The following PDIA2 variants were observed in gnomAD, a reference collection of about 807,000 sequenced individuals.
PDIA2 encodes protein disulfide-isomerase A2.
PDIA2 carries 76 observed loss-of-function variants against 51.1 expected under a neutral mutation model. The ratio of observed to expected loss-of-function variants is 1.49; its 90% CI spans 1.24 to 1.80. The LOEUF (loss-of-function observed/expected upper bound fraction) is 1.80. Among genes scored for constraint, PDIA2 ranks in the 40% most tolerant of loss-of-function variants. PDIA2 has a pLI of 0.00. For missense variants in PDIA2, 946 were observed against 706.5 expected (o/e 1.34, Z -3.84); for synonymous variants, 429 against 309.9 (o/e 1.38, Z -4.04).
At position 283,196 on chromosome 16, in the gene PDIA2, G is replaced by T; in HGVS notation, c.27G>T (p.Leu9=). The T allele has an allele frequency of 6.4e-7, 1 of 1,557,666 alleles. No homozygotes were observed. Among genetic ancestry groups the T allele is most frequent in the South Asian group, 1.2e-5 (1 of 84,110 alleles). Reference sequence around the variant, plus strand: ...TGAGCCGCCAGCTTCTGCCTGTACTGCTGCTGCTGCTGCTCAGGGCTTCGT... The same window carrying T: ...TGAGCCGCCAGCTTCTGCCTGTACTTCTGCTGCTGCTGCTCAGGGCTTCGT... MSRQLLPV[L]LLLLLRASCP... The change falls in exon 1 of 11, where the codon CTG becomes CTT. Residue 9 remains leucine (L), a synonymous_variant. Transcript: ENST00000219406.
chr16:284,739 G>T lies in PDIA2; in HGVS notation c.487G>T (p.Ala163Ser). 6.4e-7 allele frequency: 1 copy of T among 1,561,612 alleles called. No individual in the cohort carries two copies. Among genetic ancestry groups the T allele is most frequent in the Non-Finnish European group, 8.6e-7 (1 of 1,159,438 alleles). ...PSAMRLEDEA[A>S]AQALIGGRDL... ...TGCCATGCGGCTGGAGGACGAGGCG[G>T]CCGCCCAGGCGCTGATCGGTGGCCG... Residue 163 changes from alanine (A) to serine (S), a missense_variant, in exon 3 of 11, where the codon GCC becomes TCC. Transcript: ENST00000219406.
At chr16:283,630 CAG>C (rs2052315779) in intron 1 of PDIA2, among the ~76,000 whole-genome samples, 1 of 152,240 alleles carries the variant, frequency 6.6e-6, no homozygotes, top group Admixed American at 6.5e-5. Flanking sequence ...GCCACGGTGC[CAG>C]AGTCACCACC....
chr16:284,069 T>C, intron 1 of PDIA2: 1 of 416,784 alleles, frequency 2.4e-6, no homozygotes, highest in Non-Finnish European at 4.5e-6. Context: ...GGTTTCTCCA[T>C]GTTGGTCAGG....
chr16:283,462 G>A (rs1396318057), intron 1 of PDIA2, 94 bp downstream of exon 1: 9 of 1,320,478 alleles, frequency 6.8e-6, no homozygotes, highest in Non-Finnish European at 9.1e-6. Context: ...CAGGGCATGT[G>A]CCCAAGAGGG....
intron 8 of PDIA2, 39 bp downstream of exon 8, chr16:286,512 A>AG (rs767216028): frequency 6.2e-7 from 1 of 1,612,566 alleles, no homozygotes; most frequent in Non-Finnish European, 8.5e-7. Context: ...TGGGCTGGGC[A>AG]GGGGCTGCCC....
Position 284,760 on chromosome 16 carries a change from G to A in PDIA2, c.508G>A (p.Gly170Ser). 6.4e-7 allele frequency: 1 copy of A among 1,564,226 alleles called. No homozygotes were observed. The highest frequency in any genetic ancestry group is 8.6e-7 in the Non-Finnish European group (1 of 1,159,778). ...GGCGGCCGCCCAGGCGCTGATCGGT[G>A]GCCGGGACCTAGTGGTCATTGGCTT... ...DEAAAQALIG[G>S]RDLVVIGFFQ... is the part of the protein sequence containing the mutation. The change falls in exon 3 of 11, where the codon GGC (glycine) becomes AGC (serine). Residue 170 changes from glycine to serine, a missense_variant. Physicochemically the swap from Gly to Ser is moderately conservative, Grantham distance 56. Coordinates refer to ENST00000219406, the MANE Select transcript of PDIA2 (RefSeq NM_006849.4).
Position 286,363 on chromosome 16 carries a change from TGAGCCAGGAGATACCCCCTGA to T in PDIA2, c.1131_1151del (p.Ser378_Asp384del). 1.3e-6 allele frequency: 2 copies of T among 1,507,548 alleles called. No individual in the cohort carries two copies. Among genetic ancestry groups the T allele is most frequent in the Non-Finnish European group, 1.8e-6 (2 of 1,116,186 alleles). 93.4% of individuals were successfully genotyped at this position (1,507,548 alleles called of 1,614,324 possible). On this transcript the variant is annotated inframe_deletion, in exon 8 of 11. Transcript: ENST00000219406. The stretch of plus-strand genomic sequence containing the variant: ...CCTGGTTTCCCCCAGCCCTATCTCC[TGAGCCAGGAGATACCCCCTGA>T]TTGGGATCAGCGGCCAGTTAAGACC...
Position 285,653 on chromosome 16 carries a change from G to C in PDIA2, c.1069G>C (p.Ala357Pro), listed in dbSNP as rs200219634. Residue 357 changes from alanine (A) to proline (P), a missense_variant, in exon 7 of 11, where the codon GCA becomes CCA. Transcript: ENST00000219406. ...GCCTGTGGATGGGGGCCCTGTCACC[G>C]CAGCGTCCATCACTGCTTTCTGCCA... ...YAPVDGGPVT[A>P]ASITAFCHAV... is the part of the protein sequence containing the mutation. The C allele has an allele frequency of 1.5e-5, 24 of 1,613,154 alleles. No homozygotes were observed. Among genetic ancestry groups the C allele is most frequent in the Non-Finnish European group, 1.9e-5 (23 of 1,179,972 alleles).
chr16:284,129 A>G (rs1196876903), intron 1 of PDIA2: 2 of 554,216 alleles, frequency 3.6e-6, no homozygotes, highest in Non-Finnish European at 6.5e-6. Context: ...CTGCCTCCCA[A>G]AGTGCTGGGA....
intron 1 of PDIA2, 59 bp downstream of exon 1, chr16:283,427 G>A: frequency 6.7e-7 from 1 of 1,499,016 alleles, no homozygotes; most frequent in Non-Finnish European, 8.9e-7. Context: ...GCCCACCTGG[G>A]GGCCCCACCC....
chr16:286,747 A>G lies in PDIA2; in HGVS notation c.1422+12A>G, dbSNP rs745500215. The G allele has an allele frequency of 6.2e-6, 10 of 1,612,702 alleles. No individual in the cohort carries two copies. The South Asian group carries it at 9.9e-5, about 16-fold the overall frequency. On this transcript the variant is annotated intron_variant, in intron 9 of 10. Transcript: ENST00000219406. ...GGCCAGGTCGGAAGGTATGGCGGAC[A>G]GGTGGCTGGGGAGGAAGCCGGGGTG...
Position 285,718 on chromosome 16 carries a change from G to A in PDIA2, c.1119+15G>A, listed in dbSNP as rs747811323. ...GCCAAGTCAAGGTCCGCTGCAGACT[G>A]CTCATAATGGAAGGGGAACCCTGAC... On this transcript the variant is annotated intron_variant, in intron 7 of 10. Coordinates refer to ENST00000219406, the MANE Select transcript of PDIA2 (RefSeq NM_006849.4). The A allele has an allele frequency of 6.2e-6, 10 of 1,609,572 alleles. No homozygotes were observed. The highest frequency in any genetic ancestry group is 1.6e-4 in the Middle Eastern group (1 of 6,072).
chr16:286,148 C>CCTCCCTGTCAGGCCCTGCAGAGGAT (rs1459319383), intron 7 of PDIA2, among the ~76,000 whole-genome samples: 1 of 93,500 alleles, frequency 1.1e-5, no homozygotes. Flanking sequence ...TTGAAGAGGA[C>CCTCCCTGTCAGGCCCTGCAGAGGAT]CTCCCTGTCA....
At position 285,839 on chromosome 16, in the gene PDIA2, T is replaced by TCCCAACCCGGCGGTTCTCCCAAC. The variant is rs1221474536; in HGVS notation, c.1119+165_1119+187dup. On this transcript the variant is annotated intron_variant, in intron 7 of 10. Transcript: ENST00000219406. ...GAGGCCCCCCTCAACCCGGCAATTC[T>TCCCAACCCGGCGGTTCTCCCAAC]CCCAACCCGGCGGTTCTCCCAACCC... 1.6e-3 allele frequency: 1,527 copies of TCCCAACCCGGCGGTTCTCCCAAC among 953,898 alleles called. 70 individuals carry two copies. The highest frequency in any genetic ancestry group is 5.6e-3 in the Middle Eastern group (16 of 2,866). The allele number at this position is 953,898 out of a possible 1,614,324, so 59.1% of individuals were successfully genotyped here.
intron 7 of PDIA2, among the ~76,000 whole-genome samples, chr16:285,947 AACCCCAACCCC>A: frequency 5.0e-5 from 1 of 19,882 alleles, no homozygotes; most frequent in South Asian, 2.1e-3. Context: ...CCCCAACCCC[AACCCCAACCCC>A]GCGGTTCTCC....
intron 1 of PDIA2, 102 bp downstream of exon 1, chr16:283,470 G>A (rs2141446317): frequency 7.9e-7 from 1 of 1,270,052 alleles, no homozygotes; most frequent in Non-Finnish European, 1.1e-6. Context: ...GTGCCCAAGA[G>A]GGGCCTCCCC....
Position 284,378 on chromosome 16 carries a change from A to C in PDIA2, c.200-9A>C, listed in dbSNP as rs200830049. On this transcript the variant is annotated splice_polypyrimidine_tract_variant and intron_variant, in intron 1 of 10. Coordinates refer to ENST00000219406, the MANE Select transcript of PDIA2 (RefSeq NM_006849.4). Reference sequence around the variant, plus strand: ...GGTGGCCTGGGGCACTCACGGCCCCATCCCCCAGATGCCCCGTGGTGTGGG... The same window carrying C: ...GGTGGCCTGGGGCACTCACGGCCCCCTCCCCCAGATGCCCCGTGGTGTGGG... 286 of 1,546,718 alleles carry C rather than the reference A, an allele frequency of 1.8e-4. 1 individual carries two copies. The African/African-American group carries it at 3.5e-3, about 19-fold the overall frequency.
At chr16:284,056 T>TG in intron 1 of PDIA2, 1 of 386,356 alleles carries the variant, frequency 2.6e-6, no homozygotes, top group South Asian at 2.5e-5. Context: ...TTAGTAGAGA[T>TG]GGGGTTTCTC....
At chr16:286,809 C>T (rs1261157822) in intron 9 of PDIA2, 26 bp from the exon 10 acceptor site, 2 of 1,611,250 alleles carry the variant, frequency 1.2e-6, no homozygotes, top group African/African-American at 2.7e-5. Flanking sequence ...CCCACGTGTC[C>T]TCCAGATCCC....
Sources: gnomAD v4.1 joint callset for allele counts (sites outside exome capture counted in the v4.1 genomes callset) on GRCh38, gnomAD v4.1.1 for gene constraint, MANE v1.5 for transcripts, NCBI Gene and HGNC (gene_info 2026-07-23, HGNC 2026-07-21) for gene names.